The following TRPM3 variants were observed in gnomAD, a reference collection of about 807,000 sequenced individuals.
TRPM3 encodes long transient receptor potential channel 3.
Under a neutral mutation model 181.2 loss-of-function variants are expected in TRPM3, and 77 were observed. The observed-to-expected ratio is 0.42, with a 90% CI of 0.35 to 0.51. The LOEUF is 0.51. Ranked by LOEUF, TRPM3 falls within the 20% of genes least tolerant of loss-of-function variation. TRPM3 has a pLI of 0.01. For missense variants in TRPM3, 1,759 were observed against 2,196.7 expected (o/e 0.80, Z 3.98); for synonymous variants, 745 against 796.4 (o/e 0.94, Z 1.09).
At chr9:70,912,751 A>C (rs946321643) in intron 1 of TRPM3, among the ~76,000 whole-genome samples, 3 of 152,194 alleles carry the variant, frequency 2.0e-5, no homozygotes, top group African/African-American at 7.2e-5. Flanking sequence ...AATATATTGG[A>C]AACCAACACT....
intron 1 of TRPM3, among the ~76,000 whole-genome samples, chr9:70,938,003 C>T (rs987909302): frequency 1.3e-5 from 2 of 152,172 alleles, no homozygotes; most frequent in Non-Finnish European, 2.9e-5. Flanking sequence ...ATTACAGTTC[C>T]TCAGTATATC....
Position 70,552,879 on chromosome 9 carries a change from T to C in TRPM3, c.3539A>G (p.His1180Arg), listed in dbSNP as rs1385015417. The change falls in exon 24 of 26, where the codon CAC becomes CGC. Residue 1180 changes from histidine (H) to arginine (R), a missense_variant. By Grantham distance (29) the His-to-Arg change is conservative. Coordinates refer to ENST00000677713, the MANE Select transcript of TRPM3 (RefSeq NM_001366145.2). ...GTCCCTTTCATCCGGGTCGCTCTCG[T>C]GTTTCCTCCATCGGCAGCACAGGTG... ...FQHLCCRWRKHESDPDERDYG... is the reference protein window; with the variant it reads ...FQHLCCRWRKRESDPDERDYG... 6.2e-7 allele frequency: 1 copy of C among 1,614,170 alleles called. No homozygotes were observed. The highest frequency in any genetic ancestry group is 1.7e-5 in the Admixed American group (1 of 60,024).
intron 1 of TRPM3, among the ~76,000 whole-genome samples, chr9:70,980,401 C>T (rs1452987203): frequency 6.6e-6 from 1 of 151,856 alleles, no homozygotes; most frequent in Non-Finnish European, 1.5e-5. Context: ...GCGAAGGAGG[C>T]CAGCTGGGAG....
chr9:70,642,178 A>T (rs929827686), intron 9 of TRPM3, among the ~76,000 whole-genome samples: 1 of 152,132 alleles, frequency 6.6e-6, no homozygotes, highest in Non-Finnish European at 1.5e-5. Flanking sequence ...GCACTTCCAT[A>T]TGTCATATGT....
intron 1 of TRPM3, among the ~76,000 whole-genome samples, chr9:71,136,107 C>T (rs115915700): frequency 3.0e-3 from 461 of 152,296 alleles, no homozygotes; most frequent in African/African-American, 0.01. Context: ...GAGATTAATA[C>T]ATCGTCCACG....
At chr9:70,571,693 T>C (rs920647095) in intron 22 of TRPM3, among the ~76,000 whole-genome samples, 1 of 152,132 alleles carries the variant, frequency 6.6e-6, no homozygotes, top group South Asian at 2.1e-4. Flanking sequence ...AGGATTGTTG[T>C]GGGGATTAAA....
intron 1 of TRPM3, among the ~76,000 whole-genome samples, chr9:71,157,303 AG>A (rs1313211107): frequency 6.6e-6 from 1 of 152,204 alleles, no homozygotes; most frequent in African/African-American, 2.4e-5. Context: ...ACTTTAAAAA[AG>A]TCAGAAGCAG....
chr9:71,265,067 T>C (rs1005495049), intron 1 of TRPM3, among the ~76,000 whole-genome samples: 1 of 152,162 alleles, frequency 6.6e-6, no homozygotes, highest in African/African-American at 2.4e-5. Context: ...CACTTAGTTT[T>C]CTTAAATTCA....
At chr9:70,642,353 G>A (rs1264702619) in intron 9 of TRPM3, among the ~76,000 whole-genome samples, 1 of 152,176 alleles carries the variant, frequency 6.6e-6, no homozygotes, top group Non-Finnish European at 1.5e-5. Context: ...CAGATCCAGA[G>A]AATTCCTCTT....
At chr9:70,646,757 A>G (rs2058914661) in intron 9 of TRPM3, among the ~76,000 whole-genome samples, 1 of 151,976 alleles carries the variant, frequency 6.6e-6, no homozygotes, top group South Asian at 2.1e-4. Context: ...TGGTTTTTTG[A>G]AAAAATACAT....
intron 11 of TRPM3, among the ~76,000 whole-genome samples, chr9:70,635,543 G>A (rs144179274): frequency 6.8e-6 from 1 of 146,024 alleles, no homozygotes; most frequent in Non-Finnish European, 1.5e-5. Context: ...GCTCACTGCA[G>A]CCTCGAACTC....
At chr9:70,931,804 G>A (rs1478368479) in intron 1 of TRPM3, among the ~76,000 whole-genome samples, 2 of 152,218 alleles carry the variant, frequency 1.3e-5, no homozygotes, top group African/African-American at 2.4e-5. Context: ...TCTAGACTAT[G>A]AGCATATAAT....
rs1466146952 is a variant in TRPM3, at chr9:70,610,753, T to C, written c.2527-4A>G. 6 of 1,614,092 alleles carry C rather than the reference T, an allele frequency of 3.7e-6. No homozygotes were observed. Among genetic ancestry groups the C allele is most frequent in the Non-Finnish European group, 5.1e-6 (6 of 1,179,978 alleles). ...CGTTGTTTCGTCCCAACATTGCCTATGTTGGAAGAGAATCGATACCATCAT... is the reference window on the plus strand; with the variant it reads ...CGTTGTTTCGTCCCAACATTGCCTACGTTGGAAGAGAATCGATACCATCAT... On this transcript the variant is annotated splice_region_variant and splice_polypyrimidine_tract_variant and intron_variant, in intron 18 of 25. Transcript: ENST00000677713.
chr9:71,211,725 A>G (rs1210954911), intron 1 of TRPM3, among the ~76,000 whole-genome samples: 2 of 152,076 alleles, frequency 1.3e-5, no homozygotes, highest in Non-Finnish European at 2.9e-5. Flanking sequence ...ATGTGTGTCT[A>G]TGTTCAAATT....
chr9:71,093,802 G>A (rs1036032259), intron 1 of TRPM3, among the ~76,000 whole-genome samples: 3 of 152,080 alleles, frequency 2.0e-5, no homozygotes, highest in Non-Finnish European at 4.4e-5. Flanking sequence ...GTTTGTTGCA[G>A]CACTATTTAC....
chr9:70,743,447 G>A (rs554169433), intron 8 of TRPM3, among the ~76,000 whole-genome samples: 6 of 151,956 alleles, frequency 3.9e-5, no homozygotes, highest in South Asian at 2.1e-4. Flanking sequence ...AACATATCTC[G>A]GAAAACAAAA....
chr9:70,842,807 G>A, intron 5 of TRPM3, 196 bp downstream of exon 5: 1 of 541,508 alleles, frequency 1.8e-6, no homozygotes, highest in Admixed American at 3.4e-5. Context: ...TTGATCATAA[G>A]AATTGACCTG....
intron 1 of TRPM3, among the ~76,000 whole-genome samples, chr9:70,890,079 A>G (rs1041781387): frequency 4.0e-5 from 6 of 148,336 alleles, no homozygotes; most frequent in Middle Eastern, 3.3e-3. Context: ...AGTGTACTAT[A>G]TACTATATAG....
At chr9:71,440,200 A>G (rs1160714096) in intron 1 of TRPM3, among the ~76,000 whole-genome samples, 4 of 152,196 alleles carry the variant, frequency 2.6e-5, no homozygotes, top group Non-Finnish European at 5.9e-5. Context: ...TAGGAAAGGA[A>G]GAAGGATTAT....
Sources: gnomAD v4.1 joint callset for allele counts (sites outside exome capture counted in the v4.1 genomes callset) on GRCh38, gnomAD v4.1.1 for gene constraint, MANE v1.5 for transcripts, NCBI Gene and HGNC (gene_info 2026-07-23, HGNC 2026-07-21) for gene names.